The following ACSL1 variants were observed in gnomAD, a reference collection of about 807,000 sequenced individuals.
ACSL1 encodes the protein acyl-CoA synthetase long chain family member 1.
ACSL1 carries 41 observed loss-of-function variants against 98.4 expected under a neutral mutation model. That is an observed-to-expected ratio of 0.42 (90% CI 0.32 to 0.54). ACSL1 has a LOEUF of 0.54. Among genes scored for constraint, ACSL1 ranks in the 20% least tolerant of loss-of-function variants. The probability of loss-of-function intolerance (pLI) is 0.13; values close to 1 mark genes in which losing one functional copy is unlikely to be tolerated. For missense variants in ACSL1, 734 were observed against 883.1 expected (o/e 0.83, Z 2.14); for synonymous variants, 316 against 322.7 (o/e 0.98, Z 0.22).
rs1245395165 is a variant in ACSL1 at position 184,765,907 on chromosome 4, G to A, written c.1343C>T (p.Ala448Val). The change falls in exon 14 of 21, where the codon GCA (alanine) becomes GTA (valine). Residue 448 changes from alanine to valine, a missense_variant. By Grantham distance (64) the Ala-to-Val change is moderately conservative. Coordinates refer to ENST00000281455, the MANE Select transcript of ACSL1 (RefSeq NM_001995.5). The part of the protein sequence containing the change: ...VSATVLTFLR[A>V]ALGCQFYEGY... ...CCACCTCACCTGACAGCCCAGGGCT[G>A]CTCTGAGGAACGTCAGCACAGTGGC... 1.2e-6 allele frequency: 2 copies of A among 1,613,884 alleles called. No individual in the cohort carries two copies. The highest frequency in any genetic ancestry group is 1.7e-6 in the Non-Finnish European group (2 of 1,179,970).
chr4:184,774,729 T>G (rs934611877), intron 7 of ACSL1, among the ~76,000 whole-genome samples: 1 of 152,184 alleles, frequency 6.6e-6, no homozygotes, highest in Non-Finnish European at 1.5e-5. Flanking sequence ...CCATTGAACA[T>G]GTTCAATTCA....
chr4:184,807,706 AT>A (rs1771607772), intron 1 of ACSL1, among the ~76,000 whole-genome samples: 1 of 152,244 alleles, frequency 6.6e-6, no homozygotes, highest in African/African-American at 2.4e-5. Context: ...TAAAAATGCA[AT>A]TAGCATTTAC....
chr4:184,779,392 G>A (rs544924672), intron 5 of ACSL1, among the ~76,000 whole-genome samples: 3 of 152,262 alleles, frequency 2.0e-5, no homozygotes, highest in African/African-American at 7.2e-5. Flanking sequence ...GGCCCCCCCA[G>A]CCATGTGAAA....
chr4:184,813,654 A>C, intron 1 of ACSL1: 1 of 306,572 alleles, frequency 3.3e-6, no homozygotes, highest in South Asian at 2.6e-5. Flanking sequence ...CGAAAGCTAA[A>C]GAAGGAAATA....
chr4:184,778,963 G>A (rs1330314186), intron 5 of ACSL1, among the ~76,000 whole-genome samples: 1 of 151,104 alleles, frequency 6.6e-6, no homozygotes, highest in East Asian at 1.9e-4. Context: ...AAAGTCAGTA[G>A]CACAGGGATT....
intron 1 of ACSL1, chr4:184,812,333 C>T: frequency 1.5e-5 from 9 of 584,760 alleles, no homozygotes; most frequent in Non-Finnish European, 1.9e-5. Flanking sequence ...CGTGTCAGAC[C>T]CTCTGTGATT....
chr4:184,772,165 G>C (rs1338310761), intron 10 of ACSL1, among the ~76,000 whole-genome samples: 4 of 152,204 alleles, frequency 2.6e-5, no homozygotes, highest in Non-Finnish European at 5.9e-5. Context: ...GGCCAATTAG[G>C]AAATTAAAAT....
chr4:184,821,986 G>C (rs942559241), intron 1 of ACSL1, among the ~76,000 whole-genome samples: 10 of 152,178 alleles, frequency 6.6e-5, no homozygotes, highest in African/African-American at 2.4e-4. Context: ...CAGTAAGTAT[G>C]TATGACTCTT....
chr4:184,761,529 T>G (rs895906414), intron 17 of ACSL1, among the ~76,000 whole-genome samples: 4 of 152,214 alleles, frequency 2.6e-5, no homozygotes, highest in African/African-American at 4.8e-5. Context: ...TTGCACAAGC[T>G]TCTCACTCTT....
chr4:184,784,983 G>T (rs1766969154), intron 3 of ACSL1, among the ~76,000 whole-genome samples: 1 of 152,200 alleles, frequency 6.6e-6, no homozygotes, highest in Non-Finnish European at 1.5e-5. Context: ...AATTGCATTA[G>T]CCATATGAAA....
intron 7 of ACSL1, among the ~76,000 whole-genome samples, chr4:184,775,304 T>C (rs1293379176): frequency 1.3e-5 from 2 of 152,076 alleles, no homozygotes; most frequent in Admixed American, 1.3e-4. Context: ...TATAAATTAA[T>C]ATTTTAATAT....
At position 184,757,814 on chromosome 4, in the gene ACSL1, C is replaced by T; in HGVS notation, c.1884+5G>A. 2 of 1,614,030 alleles carry T rather than the reference C, an allele frequency of 1.2e-6. No individual in the cohort carries two copies. The highest frequency in any genetic ancestry group is 1.7e-6 in the Non-Finnish European group (2 of 1,179,916). On this transcript the variant is annotated splice_donor_5th_base_variant and intron_variant, in intron 19 of 20. Coordinates refer to ENST00000281455, the MANE Select transcript of ACSL1 (RefSeq NM_001995.5). The surrounding 1 kb of genome is among the most constrained non-coding windows in gnomAD (Gnocchi z 4.5). ...GAGGACAGACTGGACCCTTCAGAAC[C>T]TTACCTTATTTCTGCACAGTTCCTC...
chr4:184,807,830 T>C (rs1364935087), intron 1 of ACSL1, among the ~76,000 whole-genome samples: 1 of 152,204 alleles, frequency 6.6e-6, no homozygotes, highest in Non-Finnish European at 1.5e-5. Context: ...AGGATGTTAG[T>C]CAAGAACGGG....
chr4:184,816,531 G>A (rs1041633783), intron 1 of ACSL1, among the ~76,000 whole-genome samples: 7 of 152,108 alleles, frequency 4.6e-5, no homozygotes, highest in Non-Finnish European at 1.0e-4. Flanking sequence ...TTACCTGCTC[G>A]GAATGGGTGA....
At chr4:184,820,978 T>C in intron 1 of ACSL1, 1 of 455,374 alleles carries the variant, frequency 2.2e-6, no homozygotes, top group South Asian at 1.6e-5. Flanking sequence ...GAAGCCAGAC[T>C]GCCTAGGTTC....
At chr4:184,783,181 A>C (rs1766615009) in intron 4 of ACSL1, among the ~76,000 whole-genome samples, 1 of 152,154 alleles carries the variant, frequency 6.6e-6, no homozygotes, top group Non-Finnish European at 1.5e-5. Context: ...AATCATGATA[A>C]AAATAAAAAT....
At chr4:184,814,340 G>A (rs532486224) in intron 1 of ACSL1, among the ~76,000 whole-genome samples, 7 of 146,332 alleles carry the variant, frequency 4.8e-5, no homozygotes, top group Non-Finnish European at 7.5e-5. Flanking sequence ...GGAGAGCTAC[G>A]CCTCTTTCCA....
In ACSL1 at chr4:184,825,250, T is replaced by A; in HGVS notation, c.-33+666A>T. ...GCCACTCTCCGTCTACGCTGCCAGG[T>A]GACAGACATCATCTTTGCTTCTCAA... On this transcript the variant is annotated intron_variant, in intron 1 of 20. Transcript: ENST00000281455. The surrounding 1 kb of genome is among the most constrained non-coding windows in gnomAD (Gnocchi z 4.7). The A allele has an allele frequency of 1.0e-6, 1 of 985,396 alleles. No individual in the cohort carries two copies. Among genetic ancestry groups the A allele is most frequent in the Non-Finnish European group, 1.2e-6 (1 of 829,916 alleles). The allele number at this position is 985,396 out of a possible 1,614,324, so 61.0% of individuals were successfully genotyped here. A position where few individuals can be genotyped will look rare whatever the true frequency, so the allele number is the denominator to read the frequency against.
chr4:184,824,205 A>C (rs1003241116), intron 1 of ACSL1, among the ~76,000 whole-genome samples: 1 of 152,084 alleles, frequency 6.6e-6, no homozygotes, highest in African/African-American at 2.4e-5. Context: ...AGCTCATCAC[A>C]ACTTCTGCCT....
Sources: gnomAD v4.1 joint callset for allele counts (sites outside exome capture counted in the v4.1 genomes callset) on GRCh38, gnomAD v4.1.1 for gene constraint, Gnocchi (gnomAD v3.1) non-coding constraint, MANE v1.5 for transcripts, NCBI Gene and HGNC (gene_info 2026-07-23, HGNC 2026-07-21) for gene names.